HHLA2: variants seen among roughly 807,000 people sequenced by gnomAD.
HHLA2 encodes the protein HHLA2 member of B7 family.
A neutral mutation model predicts 45.9 loss-of-function variants in HHLA2; 48 were observed. The observed-to-expected ratio is 1.05, with a 90% CI of 0.83 to 1.33. HHLA2 has a LOEUF of 1.33. Among genes scored for constraint, HHLA2 ranks in the 40% most tolerant of loss-of-function variants. The probability of loss-of-function intolerance (pLI) is 0.00; values close to 1 mark genes in which losing one functional copy is unlikely to be tolerated. For missense variants in HHLA2, 462 were observed against 494.3 expected (o/e 0.93, Z 0.62); for synonymous variants, 161 against 173.9 (o/e 0.93, Z 0.59).
chr3:108,322,773 C>G (rs1341000044), intron 2 of HHLA2, among the ~76,000 whole-genome samples: 3 of 152,196 alleles, frequency 2.0e-5, no homozygotes, highest in African/African-American at 7.2e-5. Flanking sequence ...CGTCATCAGT[C>G]AGGACGTCTC....
chr3:108,368,552 A>AAAAT (rs2082107794), intron 8 of HHLA2, among the ~76,000 whole-genome samples: 1 of 140,478 alleles, frequency 7.1e-6, no homozygotes, highest in African/African-American at 2.6e-5. Flanking sequence ...AAAAAAAAAA[A>AAAAT]AAAAAAAAAA....
intron 3 of HHLA2, among the ~76,000 whole-genome samples, chr3:108,341,449 G>A (rs569561136): frequency 7.9e-5 from 12 of 152,026 alleles, no homozygotes; most frequent in African/African-American, 1.7e-4. Flanking sequence ...CATAACTAAC[G>A]TTTGTTTTAG....
chr3:108,348,120 G>A (rs1258960841), intron 3 of HHLA2, among the ~76,000 whole-genome samples: 7 of 151,932 alleles, frequency 4.6e-5, no homozygotes. Context: ...CTCGCCTAAG[G>A]AGAGAATAGA....
chr3:108,330,236 TG>T (rs2081360161), intron 3 of HHLA2, among the ~76,000 whole-genome samples: 1 of 152,158 alleles, frequency 6.6e-6, no homozygotes, highest in Non-Finnish European at 1.5e-5. Flanking sequence ...AGACCAGCCC[TG>T]GTACAGTGTG....
intron 8 of HHLA2, among the ~76,000 whole-genome samples, chr3:108,371,547 C>A (rs1203019890): frequency 6.6e-6 from 1 of 152,148 alleles, no homozygotes; most frequent in Non-Finnish European, 1.5e-5. Context: ...GATAAACAGT[C>A]AAGACCCATC....
At position 108,318,672 on chromosome 3, in the gene HHLA2, A is replaced by G. The variant is rs147511460; in HGVS notation, c.-105+7931A>G. ...GAGAAGAAAAAAAAATCACAACTCT[A>G]TCATGTAAAGAAACAATACTAACAT... On this transcript the variant is annotated intron_variant, in intron 2 of 10. Coordinates refer to ENST00000619531, the Ensembl canonical transcript of HHLA2. Among the ~76,000 whole-genome samples, 408 of 152,316 alleles carry G rather than the reference A, an allele frequency of 2.7e-3. 4 individuals carry two copies. Among genetic ancestry groups the G allele is most frequent in the African/African-American group, 9.4e-3 (390 of 41,562 alleles).
intron 8 of HHLA2, among the ~76,000 whole-genome samples, chr3:108,367,134 C>G (rs2082078350): frequency 6.6e-6 from 1 of 152,156 alleles, no homozygotes; most frequent in African/African-American, 2.4e-5. Context: ...AGAAGAAAAA[C>G]TAACAAACAG....
chr3:108,376,408 A>G, intron 9 of HHLA2, 85 bp from the exon 9 acceptor site: 1 of 999,222 alleles, frequency 1.0e-6, no homozygotes, highest in Non-Finnish European at 1.5e-6. Flanking sequence ...GATTCTAATA[A>G]CATGATTATA....
chr3:108,351,101 A>G (rs2081768511), intron 3 of HHLA2, among the ~76,000 whole-genome samples: 1 of 152,236 alleles, frequency 6.6e-6, no homozygotes, highest in East Asian at 1.9e-4. Flanking sequence ...CATCTGGGAA[A>G]ATCAGTTACA....
exon 11 of HHLA2, chr3:108,377,487 A>T: frequency 1.8e-6 from 1 of 547,298 alleles, no homozygotes; most frequent in East Asian, 2.8e-5. Context: ...ACCTGCATTG[A>T]GTATAAATGC....
Position 108,351,772 on chromosome 3 carries a change from T to TA in HHLA2, c.-26-15dup, listed in dbSNP as rs756179428. On this transcript the variant is annotated splice_polypyrimidine_tract_variant and intron_variant, in intron 3 of 10. Transcript: ENST00000619531. Reference sequence around the variant, plus strand: ...TTTTAAATCCATAACATGTGCACTTTACTTCTCTTTGATAGCATGACTAAT... The same window carrying TA: ...TTTTAAATCCATAACATGTGCACTTTAACTTCTCTTTGATAGCATGACTAAT... The TA allele has an allele frequency of 1.9e-5, 30 of 1,564,536 alleles. No individual in the cohort carries two copies. The East Asian group carries it at 6.1e-4, about 32-fold the overall frequency.
intron 8 of HHLA2, among the ~76,000 whole-genome samples, chr3:108,365,208 T>G (rs1293322007): frequency 1.3e-5 from 2 of 152,238 alleles, no homozygotes. Flanking sequence ...TTCTATTTTC[T>G]GCATATGGCT....
At chr3:108,335,726 C>T (rs1259584870) in intron 3 of HHLA2, among the ~76,000 whole-genome samples, 3 of 152,030 alleles carry the variant, frequency 2.0e-5, no homozygotes, top group Admixed American at 6.6e-5. Context: ...GGTATGAATG[C>T]GTATTCATGT....
intron 2 of HHLA2, among the ~76,000 whole-genome samples, chr3:108,323,141 G>A (rs1337511330): frequency 7.3e-6 from 1 of 136,064 alleles, no homozygotes; most frequent in Non-Finnish European, 1.6e-5. Context: ...GGGGGGGTCT[G>A]TGGTTGGGGG....
intron 1 of HHLA2, among the ~76,000 whole-genome samples, chr3:108,302,295 C>G (rs1258177953): frequency 2.0e-5 from 3 of 152,096 alleles, no homozygotes; most frequent in African/African-American, 7.2e-5. Context: ...ACCTGGAAAC[C>G]ATGATTACTG....
intron 5 of HHLA2, 85 bp downstream of exon 4, chr3:108,353,865 GCTTC>G: frequency 2.1e-6 from 2 of 948,818 alleles, no homozygotes; most frequent in Non-Finnish European, 3.1e-6. Flanking sequence ...TATGCCATGA[GCTTC>G]CTTCCAAGTC....
chr3:108,371,085 G>C (rs986557896), intron 8 of HHLA2, among the ~76,000 whole-genome samples: 4 of 152,120 alleles, frequency 2.6e-5, no homozygotes, highest in Non-Finnish European at 1.5e-5. Flanking sequence ...GAGAAAAGTC[G>C]GGTTACCCAC....
chr3:108,342,025 C>T (rs554481933), intron 3 of HHLA2, among the ~76,000 whole-genome samples: 1 of 152,160 alleles, frequency 6.6e-6, no homozygotes, highest in East Asian at 1.9e-4. Flanking sequence ...GCCGGACATG[C>T]TCATCTCATT....
At chr3:108,298,070 T>C (rs1576080831) in intron 1 of HHLA2, among the ~76,000 whole-genome samples, 1 of 152,168 alleles carries the variant, frequency 6.6e-6, no homozygotes, top group Admixed American at 6.5e-5. Context: ...ACTTTTCCCC[T>C]GCCTAGTAGG....
Sources: allele counts gnomAD v4.1 joint callset (sites outside exome capture counted in the v4.1 genomes callset), GRCh38; gene constraint gnomAD v4.1.1; transcripts MANE v1.5; gene names NCBI Gene and HGNC (gene_info 2026-07-23, HGNC 2026-07-21).